The following GALC variants were observed in gnomAD, a reference collection of about 807,000 sequenced individuals.
The protein encoded by GALC is galactocerebrosidase.
GALC carries 77 observed loss-of-function variants against 91.8 expected under a neutral mutation model. The ratio of observed to expected loss-of-function variants is 0.84; its 90% CI spans 0.70 to 1.01. The LOEUF is 1.01. Among genes scored for constraint, GALC ranks in the 50% least tolerant of loss-of-function variants. The pLI, the probability that GALC is intolerant of heterozygous loss-of-function variation, is 0.00. For missense variants in GALC, 882 were observed against 855.9 expected (o/e 1.03, Z -0.38); for synonymous variants, 357 against 306.7 (o/e 1.16, Z -1.71).
intron 4 of GALC, 111 bp downstream of exon 4, chr14:87,986,378 T>A: frequency 1.4e-6 from 1 of 736,106 alleles, no homozygotes. Context: ...ACTGGTAGCA[T>A]TAATGACATT....
At chr14:87,993,495 A>G, upstream of GALC, 1 of 1,534,750 alleles carries the variant, frequency 6.5e-7, no homozygotes, top group Non-Finnish European at 8.7e-7. Context: ...GCTCTTCCCC[A>G]GCATCTCAGG....
chr14:87,977,127 C>CAG (rs1886534069), intron 6 of GALC, among the ~76,000 whole-genome samples: 1 of 151,414 alleles, frequency 6.6e-6, no homozygotes, highest in African/African-American at 2.4e-5. Context: ...GTCTCCTATG[C>CAG]AGACACAATA....
chr14:87,939,661 A>G (rs1884748772), intron 16 of GALC, among the ~76,000 whole-genome samples: 1 of 151,894 alleles, frequency 6.6e-6, no homozygotes, highest in African/African-American at 2.4e-5. Context: ...CCTCAGTTTA[A>G]AAAACAAAAT....
At chr14:87,992,040 G>C (rs1275474157) in intron 1 of GALC, among the ~76,000 whole-genome samples, 1 of 152,248 alleles carries the variant, frequency 6.6e-6, no homozygotes, top group East Asian at 1.9e-4. Context: ...TTGCAAATTA[G>C]GGAATGAAAA....
intron 10 of GALC, among the ~76,000 whole-genome samples, chr14:87,960,514 T>C (rs1248182793): frequency 6.8e-6 from 1 of 147,950 alleles, no homozygotes; most frequent in Non-Finnish European, 1.5e-5. Flanking sequence ...AATTGTACCC[T>C]GTGTCAATAA....
At chr14:87,975,093 T>G (rs1051503559) in intron 7 of GALC, among the ~76,000 whole-genome samples, 2 of 152,000 alleles carry the variant, frequency 1.3e-5, no homozygotes, top group African/African-American at 2.4e-5. Flanking sequence ...ATTAAGAAAT[T>G]TTATCTTGCA....
upstream of GALC, chr14:87,993,210 G>A: frequency 6.4e-7 from 1 of 1,551,716 alleles, no homozygotes; most frequent in Non-Finnish European, 8.7e-7. Flanking sequence ...GGGTCCCGTC[G>A]CCGCCACGAT....
chr14:87,973,431 T>G (rs1028434079), intron 7 of GALC, among the ~76,000 whole-genome samples: 1 of 149,920 alleles, frequency 6.7e-6, no homozygotes, highest in African/African-American at 2.4e-5. Context: ...TACAGCTACA[T>G]GAAGTAGGAC....
chr14:87,939,921 A>C lies in GALC; in HGVS notation c.1895T>G (p.Leu632Arg). Residue 632 changes from leucine (L) to arginine (R), a missense_variant, in exon 16 of 17, where the codon CTC (leucine) becomes CGC (arginine). Transcript: ENST00000261304. ...VEVTAKKWYT[L>R]TLTIKGHFTS... ...AATACTTACCTTAATAGTTAACGTG[A>C]GTGTATACCATTTTTTTGCTGTAAC... 6.2e-7 allele frequency: 1 copy of C among 1,608,926 alleles called. No individual in the cohort carries two copies. The highest frequency in any genetic ancestry group is 1.1e-5 in the South Asian group (1 of 90,966).
At chr14:87,966,278 G>T (rs1286394702) in intron 8 of GALC, among the ~76,000 whole-genome samples, 1 of 152,232 alleles carries the variant, frequency 6.6e-6, no homozygotes, top group East Asian at 1.9e-4. Flanking sequence ...AGTAGTAATT[G>T]GATCTAATTG....
At chr14:87,993,519 G>T (rs958646863), upstream of GALC, 60 of 1,508,866 alleles carry the variant, frequency 4.0e-5, no homozygotes, top group African/African-American at 7.4e-4. Context: ...TATCTACCTC[G>T]TGCGAGGACC....
In GALC at chr14:87,934,781, G is replaced by T; in HGVS notation, c.2009C>A (p.Ser670Tyr). ...KNGWAAIGTH[S>Y]FEFAQFDNFL... ...GTTGTCAAACTGTGCAAATTCAAAG[G>T]AGTGAGTTCCAATTGCAGCCCAGCC... The change falls in exon 17 of 17, where the codon TCC becomes TAC. Residue 670 changes from serine (S) to tyrosine (Y), a missense_variant. Transcript: ENST00000261304. The T allele has an allele frequency of 6.2e-7, 1 of 1,613,076 alleles. No individual in the cohort carries two copies.
intron 15 of GALC, 90 bp downstream of exon 15, chr14:87,941,305 C>A: frequency 1.2e-6 from 1 of 857,752 alleles, no homozygotes; most frequent in Non-Finnish European, 1.9e-6. Flanking sequence ...GGGTTGAATT[C>A]TTTTTATCAC....
At position 87,955,220 on chromosome 14, in the gene GALC, G is replaced by C; in HGVS notation, c.1162-4472C>G. Reference sequence around the variant, plus strand: ...CTTTTCTGAGGCCAGAGGAAGAAATGGCAGGCATTTCAAGGAAGAAGTACT... The same window carrying C: ...CTTTTCTGAGGCCAGAGGAAGAAATCGCAGGCATTTCAAGGAAGAAGTACT... On this transcript the variant is annotated intron_variant, in intron 10 of 16. Transcript: ENST00000261304. The C allele has an allele frequency of 3.8e-6, 4 of 1,047,504 alleles. No individual in the cohort carries two copies. The East Asian group carries it at 9.5e-5, about 25-fold the overall frequency. 64.9% of individuals were successfully genotyped at this position (1,047,504 alleles called of 1,614,324 possible). A position where few individuals can be genotyped will look rare whatever the true frequency, so the allele number is the denominator to read the frequency against.
In GALC at chr14:87,945,558, G is replaced by C. The variant is rs1566972341; in HGVS notation, c.1665C>G (p.Tyr555Ter). Residue 555 changes from tyrosine (Y) to a stop codon, truncating the protein, a stop_gained, in exon 14 of 17, where the codon TAC becomes TAG. Transcript: ENST00000261304. LOFTEE classifies it high-confidence loss of function. Reference protein sequence around the residue: ...ASNTISIIGDYNWTNLTIKCD... With the variant: ...ASNTISIIGD Reference sequence around the variant, plus strand: ...ATTGAGAACATCAATCTTACCAGTTGTAGTCTCCTATAATACTGATTGTGT... The same window carrying C: ...ATTGAGAACATCAATCTTACCAGTTCTAGTCTCCTATAATACTGATTGTGT... 6.3e-7 allele frequency: 1 copy of C among 1,592,860 alleles called. No homozygotes were observed. Among genetic ancestry groups the C allele is most frequent in the Non-Finnish European group, 8.6e-7 (1 of 1,160,956 alleles).
intron 10 of GALC, chr14:87,953,272 G>A: frequency 6.7e-7 from 1 of 1,494,192 alleles, no homozygotes; most frequent in Non-Finnish European, 9.3e-7. Context: ...GAAAGATAAA[G>A]GGCGGAGTCC....
At chr14:87,986,453 A>G (rs140065772) in intron 4 of GALC, 36 bp downstream of exon 4, 1 of 1,273,376 alleles carries the variant, frequency 7.9e-7, no homozygotes, top group Admixed American at 1.7e-5. Context: ...TTAAAGGAAA[A>G]GAGACTGAAG....
intron 8 of GALC, among the ~76,000 whole-genome samples, chr14:87,968,114 T>C (rs368538996): frequency 6.6e-6 from 1 of 152,140 alleles, no homozygotes; most frequent in Non-Finnish European, 1.5e-5. Context: ...TACATATAAA[T>C]TATACCTCAA....
rs4899930 is a variant in GALC at position 87,940,472 on chromosome 14, G to A, written c.1835-491C>T. 4.9e-3 allele frequency among the ~76,000 whole-genome samples: 741 copies of A among 151,920 alleles called. 2 individuals are homozygous for A. The highest frequency in any genetic ancestry group is 7.0e-3 in the Non-Finnish European group (474 of 67,870). Reference sequence around the variant, plus strand: ...ACCCAGGACAAAATTTCAAGTAGGCGGTTTAAAACAGACAATAGGGACTGC... The same window carrying A: ...ACCCAGGACAAAATTTCAAGTAGGCAGTTTAAAACAGACAATAGGGACTGC... On this transcript the variant is annotated intron_variant, in intron 15 of 16. Transcript: ENST00000261304.
Sources: gnomAD v4.1 joint callset for allele counts (sites outside exome capture counted in the v4.1 genomes callset) on GRCh38, gnomAD v4.1.1 for gene constraint, MANE v1.5 for transcripts, NCBI Gene and HGNC (gene_info 2026-07-23, HGNC 2026-07-21) for gene names.